The following NFIC variants were observed in gnomAD, a reference collection of about 807,000 sequenced individuals.
The protein encoded by NFIC is nuclear factor 1 C-type.
A neutral mutation model predicts 54.4 loss-of-function variants in NFIC; 12 were observed. The observed-to-expected ratio is 0.22, with a 90% CI of 0.14 to 0.36. The LOEUF is 0.36. Among genes scored for constraint, NFIC ranks in the 10% least tolerant of loss-of-function variants. The probability of loss-of-function intolerance (pLI) is 1.00; values close to 1 mark genes in which losing one functional copy is unlikely to be tolerated. For missense variants in NFIC, 575 were observed against 718.2 expected, an observed-to-expected ratio of 0.80 and a Z score of 2.28; for synonymous variants, 322 against 319.2, an observed-to-expected ratio of 1.01 and a Z score of -0.09.
chr19:3,433,654 G>A (rs2082155836), intron 4 of NFIC, 62 bp downstream of exon 4: 3 of 1,548,054 alleles, frequency 1.9e-6, no homozygotes, highest in South Asian at 2.3e-5. Flanking sequence ...CAGGGAGGAA[G>A]GAGCCCACCC....
rs1191339791 is a variant in NFIC at position 3,452,295 on chromosome 19, G to A, written c.1085-187G>A. Among the ~76,000 whole-genome samples the A allele has an allele frequency of 6.6e-6, 1 of 152,044 alleles. No homozygotes were observed. Among genetic ancestry groups the A allele is most frequent in the Non-Finnish European group, 1.5e-5 (1 of 68,022 alleles). On this transcript the variant is annotated intron_variant, in intron 7 of 10. Transcript: ENST00000443272. This position sits in a 1 kb window ranked among gnomAD's most constrained non-coding sequence, Gnocchi z 5.3. The stretch of plus-strand genomic sequence containing the variant: ...AAGGATAATATCACAGCCCCAGTGG[G>A]GTTGCCGTGGGAGTCGGGGAATTTG...
intron 6 of NFIC, among the ~76,000 whole-genome samples, chr19:3,444,340 A>G (rs2082338774): frequency 6.6e-6 from 1 of 152,230 alleles, no homozygotes; most frequent in South Asian, 2.1e-4. Flanking sequence ...CTCACAGTCA[A>G]TATTCTCAGA....
At chr19:3,399,466 C>G (rs2081519265) in intron 2 of NFIC, among the ~76,000 whole-genome samples, 2 of 152,078 alleles carry the variant, frequency 1.3e-5, no homozygotes, top group Admixed American at 6.6e-5. Context: ...GCCCCAGCCA[C>G]TCGAGAGGTC....
intron 2 of NFIC, among the ~76,000 whole-genome samples, chr19:3,405,274 G>A (rs764527314): frequency 1.2e-4 from 18 of 152,152 alleles, no homozygotes; most frequent in Non-Finnish European, 2.4e-4. Context: ...TCTGCCTCTC[G>A]GGCCCCCCCA....
intron 6 of NFIC, among the ~76,000 whole-genome samples, chr19:3,447,028 G>C (rs1445596062): frequency 1.3e-5 from 2 of 152,192 alleles, no homozygotes; most frequent in African/African-American, 4.8e-5. Flanking sequence ...GCTGGGTGCA[G>C]TGGCTCACGC....
chr19:3,445,877 T>A (rs1442206353), intron 6 of NFIC, among the ~76,000 whole-genome samples: 2 of 152,026 alleles, frequency 1.3e-5, no homozygotes, highest in African/African-American at 2.4e-5. Flanking sequence ...CACGGTGACA[T>A]CCTCACCGTT....
chr19:3,389,134 C>CA (rs2081342433), intron 2 of NFIC, among the ~76,000 whole-genome samples: 9 of 152,146 alleles, frequency 5.9e-5, no homozygotes, highest in Admixed American at 5.9e-4. Flanking sequence ...AGGCCGTGCA[C>CA]ACTCAGGGAG....
At position 3,453,856 on chromosome 19, in the gene NFIC, C is replaced by A. The variant is rs1372157639; in HGVS notation, c.1363C>A (p.Pro455Thr). ...CCCGGGGCTGCCACGGCTGGCGCTC[C>A]CCCCTGCCACCAAACCCGCCACCAC... ...PPPGLPRLAL[P>T]PATKPATTSE... The change falls in exon 9 of 11, where the codon CCC becomes ACC. Residue 455 changes from proline to threonine, a missense_variant. This residue lies in a region of NFIC where 447 missense variants were observed against 526.9 expected (regional missense o/e 0.85). Coordinates refer to ENST00000443272, the MANE Select transcript of NFIC (RefSeq NM_001245002.2). This position sits in a 1 kb window ranked among gnomAD's most constrained non-coding sequence, Gnocchi z 6.7. The A allele has an allele frequency of 1.9e-6, 3 of 1,570,900 alleles. No homozygotes were observed. The highest frequency in any genetic ancestry group is 4.8e-5 in the East Asian group (2 of 41,762).
At chr19:3,421,491 G>T (rs563767061) in intron 2 of NFIC, among the ~76,000 whole-genome samples, 1 of 152,216 alleles carries the variant, frequency 6.6e-6, no homozygotes, top group South Asian at 2.1e-4. Flanking sequence ...GCTTGGGGCC[G>T]AGCTGGGCAC....
At chr19:3,425,034 G>A (rs917738914) in intron 2 of NFIC, 72 bp from the exon 3 acceptor site, 2 of 1,532,536 alleles carry the variant, frequency 1.3e-6, no homozygotes, top group Admixed American at 3.6e-5. Flanking sequence ...GGGGCCACCA[G>A]CATCGACACT....
rs1349728503 is a variant in NFIC, at chr19:3,464,373, T to G, written c.*1604T>G. 1.0e-6 allele frequency: 1 copy of G among 984,436 alleles called. No individual in the cohort carries two copies. Among genetic ancestry groups the G allele is most frequent in the Non-Finnish European group, 1.2e-6 (1 of 829,708 alleles). 61.0% of individuals were successfully genotyped at this position (984,436 alleles called of 1,614,324 possible). On this transcript the variant is annotated 3_prime_UTR_variant, in exon 11 of 11. Coordinates refer to ENST00000443272, the MANE Select transcript of NFIC (RefSeq NM_001245002.2). ...TTCCGTTGAGCCGCTCCAAAAACAC[T>G]AAGCTGGGGACGCCAGGTGCCCCCC... is the stretch of plus-strand genomic sequence containing the variant.
rs542392289 is a variant in NFIC at position 3,464,493 on chromosome 19, G to T, written c.*1724G>T. 2 of 981,574 alleles carry T rather than the reference G, an allele frequency of 2.0e-6. No homozygotes were observed. The highest frequency in any genetic ancestry group is 9.5e-5 in the South Asian group (2 of 21,092). The allele number at this position is 981,574 out of a possible 1,614,324, so 60.8% of individuals were successfully genotyped here. On this transcript the variant is annotated 3_prime_UTR_variant, in exon 11 of 11. Coordinates refer to ENST00000443272, the MANE Select transcript of NFIC (RefSeq NM_001245002.2). ...GGGAGGGGGTGTTAGGTGTTTTAGGGCCACCGAGCTCAAACACAAGGACCC... is the reference window on the plus strand; with the variant it reads ...GGGAGGGGGTGTTAGGTGTTTTAGGTCCACCGAGCTCAAACACAAGGACCC...
At chr19:3,361,782 G>A (rs2080815019), upstream of NFIC, among the ~76,000 whole-genome samples, 1 of 152,016 alleles carries the variant, frequency 6.6e-6, no homozygotes, top group African/African-American at 2.4e-5. Context: ...TCAGCACACG[G>A]CATGGCCCTC....
In NFIC at chr19:3,433,542, T is replaced by C. The variant is rs2082153799; in HGVS notation, c.659T>C (p.Phe220Ser). 1 of 1,613,928 alleles carries C rather than the reference T, an allele frequency of 6.2e-7. No individual in the cohort carries two copies. The highest frequency in any genetic ancestry group is 8.5e-7 in the Non-Finnish European group (1 of 1,179,868). ...GACACGACCGACTTCCAGGAGAGCTTTGTCACCTCCGGCGTGTTCAGCGTC... is the reference window on the plus strand; with the variant it reads ...GACACGACCGACTTCCAGGAGAGCTCTGTCACCTCCGGCGTGTTCAGCGTC... ...TLDTTDFQESFVTSGVFSVTE... is the reference protein window; with the variant it reads ...TLDTTDFQESSVTSGVFSVTE... Residue 220 changes from phenylalanine to serine, a missense_variant, in exon 4 of 11, where the codon TTT becomes TCT. By Grantham distance (155) the Phe-to-Ser change is radical. Coordinates refer to ENST00000443272, the MANE Select transcript of NFIC (RefSeq NM_001245002.2).
At chr19:3,416,360 C>T (rs2081854534) in intron 2 of NFIC, among the ~76,000 whole-genome samples, 1 of 148,860 alleles carries the variant, frequency 6.7e-6, no homozygotes, top group African/African-American at 2.5e-5. Context: ...AACTATATGT[C>T]ATATAGATAG....
At chr19:3,390,534 A>G (rs2081361285) in intron 2 of NFIC, among the ~76,000 whole-genome samples, 2 of 152,166 alleles carry the variant, frequency 1.3e-5, no homozygotes, top group Admixed American at 6.6e-5. Flanking sequence ...GACAAGTGAC[A>G]TTGCAGCTGT....
At chr19:3,380,493 A>AT (rs2081188913) in intron 1 of NFIC, among the ~76,000 whole-genome samples, 1 of 147,924 alleles carries the variant, frequency 6.8e-6, no homozygotes, top group Non-Finnish European at 1.5e-5. Flanking sequence ...GCCTGGCTAC[A>AT]TTTTTTTGTA....
chr19:3,429,253 T>TACACACACACACACACACACACACAC (rs57948823), intron 3 of NFIC, among the ~76,000 whole-genome samples: 14 of 50,806 alleles, frequency 2.8e-4, no homozygotes, highest in Non-Finnish European at 3.9e-4. Context: ...AAAAAATATA[T>TACACACACACACACACACACACACAC]ACACACACAC....
At position 3,366,677 on chromosome 19, in the gene NFIC, C is replaced by A; in HGVS notation, c.30+11C>A. ...CTCTGCCTCACCCAGGTACGGTCCT[C>A]GCCCGGCCCCCCGCCGGCGCCCCCG... On this transcript the variant is annotated intron_variant, in intron 1 of 10. Transcript: ENST00000443272. 7.1e-7 allele frequency: 1 copy of A among 1,413,422 alleles called. No individual in the cohort carries two copies. The allele number at this position is 1,413,422 out of a possible 1,614,324, so 87.6% of individuals were successfully genotyped here. A position where few individuals can be genotyped will look rare whatever the true frequency, so the allele number is the denominator to read the frequency against.
Sources: allele counts gnomAD v4.1 joint callset (sites outside exome capture counted in the v4.1 genomes callset), GRCh38; gene constraint gnomAD v4.1.1; regional missense constraint gnomAD v4.1.1; non-coding constraint Gnocchi (gnomAD v3.1); transcripts MANE v1.5; gene names NCBI Gene and HGNC (gene_info 2026-07-23, HGNC 2026-07-21).